Variants in TENM4 observed in about 807,000 individuals in gnomAD.
TENM4 encodes teneurin transmembrane protein 4, also known as teneurin-4.
Under a neutral mutation model 243.3 loss-of-function variants are expected in TENM4, and 82 were observed. That is an observed-to-expected ratio of 0.34 (90% confidence interval 0.28 to 0.40). TENM4 has a LOEUF of 0.40. TENM4 is among the 10% of genes least tolerant of loss of function. TENM4 has a pLI of 1.00. For synonymous variants in TENM4, 1,412 were observed against 1,456.3 expected (o/e 0.97, Z 0.69); for missense variants, 3,138 against 3,673.3 (o/e 0.85, Z 3.77).
chr11:79,417,388 A>C (rs1858839903), intron 1 of TENM4, among the ~76,000 whole-genome samples: 1 of 152,096 alleles, frequency 6.6e-6, no homozygotes. Context: ...GGTCCCTCTT[A>C]TCCTTTTTTG....
chr11:78,698,316 T>C (rs1859014713), intron 28 of TENM4, among the ~76,000 whole-genome samples: 1 of 151,952 alleles, frequency 6.6e-6, no homozygotes, highest in Admixed American at 6.6e-5. Context: ...GCAGGAGAAC[T>C]GTGGAGGTTG....
intron 2 of TENM4, among the ~76,000 whole-genome samples, chr11:79,244,131 AG>A (rs1382948300): frequency 1.3e-5 from 2 of 152,200 alleles, no homozygotes; most frequent in Non-Finnish European, 2.9e-5. Flanking sequence ...TCCCACCCCC[AG>A]AGTTTGTGAC....
At chr11:78,837,362 C>A (rs1446535981) in intron 12 of TENM4, among the ~76,000 whole-genome samples, 3 of 152,174 alleles carry the variant, frequency 2.0e-5, no homozygotes, top group South Asian at 2.1e-4. Context: ...GATTTTGAGG[C>A]CTCCCCAGTC....
intron 29 of TENM4, among the ~76,000 whole-genome samples, chr11:78,684,529 AAC>A (rs1467519567): frequency 6.6e-6 from 1 of 151,202 alleles, no homozygotes; most frequent in Non-Finnish European, 1.5e-5. Flanking sequence ...CTCTCTCACA[AAC>A]ACACATACAC....
chr11:78,694,852 C>G (rs1270827274), intron 28 of TENM4, among the ~76,000 whole-genome samples: 1 of 152,152 alleles, frequency 6.6e-6, no homozygotes, highest in Admixed American at 6.5e-5. Flanking sequence ...TGCCGAATCT[C>G]TAACAGTGGC....
At chr11:79,328,239 A>G (rs11604024) in intron 1 of TENM4, among the ~76,000 whole-genome samples, 12,066 of 152,176 alleles carry the variant, frequency 0.079, 575 homozygotes, top group African/African-American at 0.1. Flanking sequence ...TCATTCAACT[A>G]ATGAGGATGC....
chr11:78,965,665 C>G (rs114569361), intron 6 of TENM4, among the ~76,000 whole-genome samples: 2,560 of 152,268 alleles, frequency 0.017, 73 homozygotes, highest in African/African-American at 0.058. Context: ...CGGCACTGAG[C>G]CCTCCCAGGC....
chr11:78,909,912 C>A (rs922143887), intron 6 of TENM4, among the ~76,000 whole-genome samples: 7 of 152,044 alleles, frequency 4.6e-5, no homozygotes, highest in African/African-American at 1.7e-4. Flanking sequence ...GGTGGGGGGT[C>A]ACATTAGTAT....
chr11:79,322,883 A>G (rs895114845), intron 1 of TENM4, among the ~76,000 whole-genome samples: 1 of 152,256 alleles, frequency 6.6e-6, no homozygotes, highest in African/African-American at 2.4e-5. Flanking sequence ...CCTCATAAAA[A>G]GGACCTTGTA....
At chr11:78,741,375 A>C (rs1267660665) in intron 19 of TENM4, among the ~76,000 whole-genome samples, 1 of 152,100 alleles carries the variant, frequency 6.6e-6, no homozygotes, top group Non-Finnish European at 1.5e-5. Flanking sequence ...CTGTGGTGTA[A>C]ATACTCTCAT....
chr11:78,779,138 A>G lies in TENM4; in HGVS notation c.2366-510T>C, dbSNP rs1321765399. Among the ~76,000 whole-genome samples, 4 of 152,232 alleles carry G rather than the reference A, an allele frequency of 2.6e-5. No individual in the cohort carries two copies. The East Asian group carries it at 7.7e-4, about 29-fold the overall frequency. ...ACGCAAAATTTGAATCATCTCTGAT[A>G]TGCACTAGTGAAGGGGGTTGAGTCT... On this transcript the variant is annotated intron_variant, in intron 16 of 33. Coordinates refer to ENST00000278550, the MANE Select transcript of TENM4 (RefSeq NM_001098816.3).
intron 25 of TENM4, among the ~76,000 whole-genome samples, chr11:78,719,969 G>A (rs1859607924): frequency 6.6e-6 from 1 of 152,144 alleles, no homozygotes; most frequent in Non-Finnish European, 1.5e-5. Flanking sequence ...TGTGAAATCT[G>A]TCTTCTTCCA....
At chr11:79,045,723 C>CTT (rs34804783) in intron 6 of TENM4, among the ~76,000 whole-genome samples, 2 of 146,508 alleles carry the variant, frequency 1.4e-5, no homozygotes, top group African/African-American at 5.0e-5. Context: ...TGGATGACGC[C>CTT]TTTTTTTTTT....
At chr11:79,379,083 T>C (rs912259450) in intron 1 of TENM4, among the ~76,000 whole-genome samples, 5 of 152,116 alleles carry the variant, frequency 3.3e-5, no homozygotes, top group Admixed American at 3.3e-4. Context: ...GAAATGCACA[T>C]TTTGCTGGCA....
At chr11:79,055,565 GT>G (rs765088756) in intron 6 of TENM4, among the ~76,000 whole-genome samples, 5 of 152,138 alleles carry the variant, frequency 3.3e-5, no homozygotes, top group Non-Finnish European at 4.4e-5. Context: ...TTTAAATGAT[GT>G]TGCTGAGCTA....
At chr11:79,310,513 G>A (rs182967393) in intron 1 of TENM4, among the ~76,000 whole-genome samples, 9 of 152,294 alleles carry the variant, frequency 5.9e-5, no homozygotes, top group South Asian at 2.1e-4. Flanking sequence ...AAGAAGATAC[G>A]ATACACCTAT....
intron 6 of TENM4, among the ~76,000 whole-genome samples, chr11:78,994,237 G>A (rs1858117123): frequency 6.6e-6 from 1 of 152,172 alleles, no homozygotes; most frequent in Non-Finnish European, 1.5e-5. Context: ...CAGCTGCTTG[G>A]TAGTTGTTTT....
At chr11:78,733,363 T>A (rs1221805516) in intron 20 of TENM4, among the ~76,000 whole-genome samples, 1 of 152,174 alleles carries the variant, frequency 6.6e-6, no homozygotes, top group Non-Finnish European at 1.5e-5. Flanking sequence ...TAGTCCTAGT[T>A]CTGTCTTCAA....
chr11:79,341,624 G>A (rs1318164791), intron 1 of TENM4, among the ~76,000 whole-genome samples: 1 of 152,172 alleles, frequency 6.6e-6, no homozygotes, highest in African/African-American at 2.4e-5. Flanking sequence ...AGGGTAAAAG[G>A]GTAGATGTTG....
Sources: gnomAD v4.1 joint callset for allele counts (sites outside exome capture counted in the v4.1 genomes callset) on GRCh38, gnomAD v4.1.1 for gene constraint, MANE v1.5 for transcripts, NCBI Gene and HGNC (gene_info 2026-07-23, HGNC 2026-07-21) for gene names.